Variants in ABCG1 observed in about 807,000 individuals in gnomAD.
The protein encoded by ABCG1 is ATP-binding cassette sub-family G member 1.
In ABCG1, 29 loss-of-function variants were observed where a neutral mutation model predicts 69.2. The ratio of observed to expected loss-of-function variants is 0.42; its 90% CI spans 0.31 to 0.57. The LOEUF (loss-of-function observed/expected upper bound fraction) is 0.57. ABCG1 is among the 20% of genes least tolerant of loss of function. The pLI is 0.15. For synonymous variants in ABCG1, 370 were observed against 374.8 expected (o/e 0.99, Z 0.15); for missense variants, 718 against 898.1 (o/e 0.80, Z 2.56).
At chr21:42,242,887 G>T (rs1461430468) in intron 2 of ABCG1, among the ~76,000 whole-genome samples, 1 of 152,162 alleles carries the variant, frequency 6.6e-6, no homozygotes, top group Non-Finnish European at 1.5e-5. Flanking sequence ...CACCCCCGGG[G>T]GTCTGAGTGA....
chr21:42,285,144 A>G (rs1397740101), intron 7 of ABCG1, among the ~76,000 whole-genome samples: 2 of 151,980 alleles, frequency 1.3e-5, no homozygotes, highest in Non-Finnish European at 2.9e-5. Context: ...GAGGGGGGAC[A>G]CTTGTTTTCC....
At chr21:42,223,034 CTAG>C (rs1440086135) in intron 1 of ABCG1, among the ~76,000 whole-genome samples, 1 of 152,202 alleles carries the variant, frequency 6.6e-6, no homozygotes, top group African/African-American at 2.4e-5. Context: ...CCAAAGATCT[CTAG>C]ATAAAATGCA....
Position 42,219,942 on chromosome 21 carries a change from G to T in ABCG1, c.42+638G>T, listed in dbSNP as rs532144561. ...TCCTGCCGGCCGCCTTTCTGCGCGC[G>T]CCGGAGAGAGAGACGCGGTGGGGAC... On this transcript the variant is annotated intron_variant, in intron 1 of 14. Coordinates refer to ENST00000398449, the MANE Select transcript of ABCG1 (RefSeq NM_016818.3). The surrounding 1 kb of genome is among the most constrained non-coding windows in gnomAD (Gnocchi z 5.3). The T allele has an allele frequency of 6.4e-7, 1 of 1,551,212 alleles. No homozygotes were observed. The highest frequency in any genetic ancestry group is 2.0e-5 in the Admixed American group (1 of 51,010).
chr21:42,219,978 A>G lies in ABCG1; in HGVS notation c.42+674A>G. On this transcript the variant is annotated intron_variant, in intron 1 of 14. Coordinates refer to ENST00000398449, the MANE Select transcript of ABCG1 (RefSeq NM_016818.3). This position sits in a 1 kb window ranked among gnomAD's most constrained non-coding sequence, Gnocchi z 5.3. The stretch of plus-strand genomic sequence containing the variant: ...AGACGCGGTGGGGACAGGGATGCGC[A>G]TTTCACTTCCCCGAGCTCCGGAGAG... The G allele has an allele frequency of 6.4e-7, 1 of 1,552,582 alleles. No homozygotes were observed. The highest frequency in any genetic ancestry group is 8.7e-7 in the Non-Finnish European group (1 of 1,147,422).
Position 42,293,598 on chromosome 21 carries a change from C to G in ABCG1, c.1654-944C>G, listed in dbSNP as rs1247204538. On this transcript the variant is annotated intron_variant, in intron 13 of 14. Coordinates refer to ENST00000398449, the MANE Select transcript of ABCG1 (RefSeq NM_016818.3). ...CACACACTACACACATACCACACTA[C>G]ACAGTACACACCACACTACACACTA... is the stretch of plus-strand genomic sequence containing the variant. Among the ~76,000 whole-genome samples the G allele has an allele frequency of 2.9e-5, 4 of 137,984 alleles. No homozygotes were observed. In the East Asian group the frequency reaches 8.4e-4, roughly 29 times the overall value. The allele number at this position is 137,984 out of a possible 152,430, so 90.5% of individuals were successfully genotyped here.
chr21:42,291,304 G>GCAGCTCCCACCA lies in ABCG1; in HGVS notation c.1494+112_1494+113insCAGCTCCCACCA. ...TGCAGGGTGACATGGCCCGACTTCG[G>GCAGCTCCCACCA]GAGCTCTGGTGGGAGCTGCGGGGAA... is the stretch of plus-strand genomic sequence containing the variant. On this transcript the variant is annotated intron_variant, in intron 12 of 14. Transcript: ENST00000398449. The surrounding 1 kb of genome is among the most constrained non-coding windows in gnomAD (Gnocchi z 6.4). The GCAGCTCCCACCA allele has an allele frequency of 8.5e-7, 1 of 1,178,736 alleles. No homozygotes were observed. Among genetic ancestry groups the GCAGCTCCCACCA allele is most frequent in the Non-Finnish European group, 1.2e-6 (1 of 818,654 alleles). The allele number at this position is 1,178,736 out of a possible 1,614,324, so 73.0% of individuals were successfully genotyped here.
At chr21:42,204,958 G>A (rs2067532129) in intron 2 of ABCG1, among the ~76,000 whole-genome samples, 1 of 151,098 alleles carries the variant, frequency 6.6e-6, no homozygotes, top group African/African-American at 2.4e-5. Context: ...TTTTTAAAAT[G>A]TTTGATAGAA....
chr21:42,212,883 T>G (rs548884425), upstream of ABCG1, among the ~76,000 whole-genome samples: 1 of 151,920 alleles, frequency 6.6e-6, no homozygotes, highest in Non-Finnish European at 1.5e-5. Flanking sequence ...TTAGTAGAGA[T>G]GGGGTTTCAC....
rs77281316 is a variant in ABCG1, at chr21:42,255,777, G to T, written c.287-15293G>T. Among the ~76,000 whole-genome samples, 80 of 152,280 alleles carry T rather than the reference G, an allele frequency of 5.3e-4. No homozygotes were observed. The East Asian group carries it at 0.014, about 28-fold the overall frequency. On this transcript the variant is annotated intron_variant, in intron 2 of 14. Transcript: ENST00000398449. ...TCAAGCCCCTCACCTGTTTAGAGGG[G>T]ATGTGGCCCGACTTTCAATGAAAAT...
At chr21:42,223,552 C>T (rs1334551774) in intron 1 of ABCG1, among the ~76,000 whole-genome samples, 2 of 152,108 alleles carry the variant, frequency 1.3e-5, no homozygotes, top group Non-Finnish European at 1.5e-5. Context: ...CACAGCTGAG[C>T]TTCTCAACAA....
chr21:42,269,259 C>A lies in ABCG1; in HGVS notation c.287-1811C>A, dbSNP rs550846988. 2.0e-5 allele frequency among the ~76,000 whole-genome samples: 3 copies of A among 152,088 alleles called. No homozygotes were observed. The East Asian group carries it at 5.8e-4, about 29-fold the overall frequency. On this transcript the variant is annotated intron_variant, in intron 2 of 14. Transcript: ENST00000398449. ...TTCTTGGGGATATCGCGTGGGTCCC[C>A]GGGGGCCTGGGTGCCCGAAGTGCCG...
chr21:42,279,639 G>C (rs1170008194), intron 5 of ABCG1, among the ~76,000 whole-genome samples: 6 of 152,226 alleles, frequency 3.9e-5, no homozygotes, highest in Non-Finnish European at 7.3e-5. Flanking sequence ...ATATGGGAGG[G>C]GCTGTGGGAT....
rs192947148 is a variant in ABCG1 at position 42,210,859 on chromosome 21, G to T, written c.48+9136G>T. On this transcript the variant is annotated intron_variant, in intron 2 of 15. Coordinates refer to the ABCG1 transcript ENST00000398457. ...GGGCTGGCTCACCAGAGGAAGCGAA[G>T]GAGCGTATCTGGATGCTGGAGACAG... 4.1e-3 allele frequency among the ~76,000 whole-genome samples: 617 copies of T among 152,340 alleles called. 1 individual carries two copies. The highest frequency in any genetic ancestry group is 0.014 in the Middle Eastern group (4 of 294).
intron 2 of ABCG1, among the ~76,000 whole-genome samples, chr21:42,253,646 G>A (rs1439206367): frequency 6.6e-6 from 1 of 152,108 alleles, no homozygotes; most frequent in Non-Finnish European, 1.5e-5. Context: ...CGCACGTGAG[G>A]GACTCCACTG....
chr21:42,270,236 G>A (rs1335673231), intron 2 of ABCG1, among the ~76,000 whole-genome samples: 1 of 130,970 alleles, frequency 7.6e-6, no homozygotes, highest in Non-Finnish European at 1.5e-5. Context: ...CTCTAGCATG[G>A]GCGACAGAGC....
At chr21:42,290,921 C>T (rs1461599791) in intron 11 of ABCG1, among the ~76,000 whole-genome samples, 171 bp from the exon 12 acceptor site, 2 of 152,196 alleles carry the variant, frequency 1.3e-5, no homozygotes, top group South Asian at 2.1e-4. Context: ...GTTATGCAAA[C>T]GGGTGGCGTT....
Position 42,296,893 on chromosome 21 carries a change from A to G in ABCG1, c.*501A>G, listed in dbSNP as rs1196311836. 1.9e-5 allele frequency: 3 copies of G among 161,830 alleles called. No individual in the cohort carries two copies. Among genetic ancestry groups the G allele is most frequent in the African/African-American group, 7.2e-5 (3 of 41,620 alleles). 10.0% of individuals were successfully genotyped at this position (161,830 alleles called of 1,614,324 possible). A position where few individuals can be genotyped will look rare whatever the true frequency, so the allele number is the denominator to read the frequency against. ...CTTTCTAAGGTGTGTCTCTTTTCCA[A>G]TGAGAAGTCATTTTTGCAAGCCAAA... On this transcript the variant is annotated 3_prime_UTR_variant, in exon 15 of 15. Coordinates refer to ENST00000398449, the MANE Select transcript of ABCG1 (RefSeq NM_016818.3). The surrounding 1 kb of genome is among the most constrained non-coding windows in gnomAD (Gnocchi z 5.4).
Position 42,287,527 on chromosome 21 carries a change from G to A in ABCG1, c.974-362G>A, listed in dbSNP as rs2068965298. Among the ~76,000 whole-genome samples, 1 of 152,320 alleles carries A rather than the reference G, an allele frequency of 6.6e-6. No homozygotes were observed. The highest frequency in any genetic ancestry group is 6.5e-5 in the Admixed American group (1 of 15,314). On this transcript the variant is annotated intron_variant, in intron 8 of 14. Transcript: ENST00000398449. The surrounding 1 kb of genome is among the most constrained non-coding windows in gnomAD (Gnocchi z 6.2). ...AGCTCCTCAAGGAGGAGTCCCTCAG[G>A]GAGGAGTCCTTCGTTCTGCTCCCTT...
chr21:42,217,679 C>CTTTTTTTTTTTTT (rs71190409), upstream of ABCG1, among the ~76,000 whole-genome samples: 10 of 61,638 alleles, frequency 1.6e-4, no homozygotes, highest in African/African-American at 5.6e-4. Flanking sequence ...TGGATCTACT[C>CTTTTTTTTTTTTT]TTTTTTTTTT....
Sources: allele counts gnomAD v4.1 joint callset (sites outside exome capture counted in the v4.1 genomes callset), GRCh38; gene constraint gnomAD v4.1.1; non-coding constraint Gnocchi (gnomAD v3.1); transcripts MANE v1.5; gene names NCBI Gene and HGNC (gene_info 2026-07-23, HGNC 2026-07-21).